The following ZNF654 variants were observed in gnomAD, a reference collection of about 807,000 sequenced individuals.
ZNF654 encodes the protein zinc finger protein 654, also known as melanoma-associated antigen.
ZNF654 carries 19 observed loss-of-function variants against 95.3 expected under a neutral mutation model. The ratio of observed to expected loss-of-function variants is 0.20; its 90% CI spans 0.14 to 0.29. The LOEUF (loss-of-function observed/expected upper bound fraction) is 0.29, where lower values mean the gene tolerates loss of function less well. Among genes scored for constraint, ZNF654 ranks in the 10% least tolerant of loss-of-function variants. The pLI, the probability that ZNF654 is intolerant of heterozygous loss-of-function variation, is 1.00. For synonymous variants in ZNF654, 413 were observed against 457.9 expected (o/e 0.90, Z 1.25); for missense variants, 1,046 against 1,341.0 (o/e 0.78, Z 3.44).
chr3:88,084,030 G>A (rs1708220035), intron 1 of ZNF654, among the ~76,000 whole-genome samples: 1 of 151,596 alleles, frequency 6.6e-6, no homozygotes, highest in Non-Finnish European at 1.5e-5. Context: ...TGCCTGACAC[G>A]ACATTAAACA....
At chr3:88,125,918 T>A (rs778151844) in intron 3 of ZNF654, among the ~76,000 whole-genome samples, 6 of 152,188 alleles carry the variant, frequency 3.9e-5, no homozygotes, top group Non-Finnish European at 8.8e-5. Context: ...ATTTTCTAAG[T>A]CCAGTTATAC....
intron 1 of ZNF654, among the ~76,000 whole-genome samples, chr3:88,064,707 T>C (rs1301729034): frequency 6.6e-6 from 1 of 152,214 alleles, no homozygotes; most frequent in South Asian, 2.1e-4. Flanking sequence ...TCTGTAGATA[T>C]CTCTCCTTTT....
intron 3 of ZNF654, among the ~76,000 whole-genome samples, chr3:88,125,749 GCT>G (rs1330912171): frequency 1.3e-5 from 2 of 152,204 alleles, no homozygotes; most frequent in East Asian, 3.9e-4. Context: ...GCCCTACCAC[GCT>G]CTCTTTTTCT....
At chr3:88,123,650 G>A (rs1705914944) in intron 3 of ZNF654, among the ~76,000 whole-genome samples, 1 of 152,086 alleles carries the variant, frequency 6.6e-6, no homozygotes, top group Non-Finnish European at 1.5e-5. Flanking sequence ...TCAGGAAGTT[G>A]GAAATACATC....
In ZNF654 at chr3:88,140,450, T is replaced by C. The variant is rs1177555676; in HGVS notation, c.2781T>C (p.Cys927=). ...SRKESTEPKT[C]IESMEKKTDS... ...AAGAGTCTACAGAACCAAAGACATG[T>C]ATAGAAAGTATGGAAAAGAAAACAG... The change falls in exon 8 of 9, where the codon TGT becomes TGC. Residue 927 remains cysteine (C), a synonymous_variant. Transcript: ENST00000636215. The C allele has an allele frequency of 1.2e-5, 20 of 1,613,526 alleles. No homozygotes were observed. In the Admixed American group the frequency reaches 3.3e-4, roughly 27 times the overall value.
In ZNF654 at chr3:88,135,124, A is replaced by G; in HGVS notation, c.957A>G (p.Val319=). The G allele has an allele frequency of 1.3e-6, 2 of 1,484,330 alleles. No homozygotes were observed. The highest frequency in any genetic ancestry group is 1.8e-6 in the Non-Finnish European group (2 of 1,124,226). 91.9% of individuals were successfully genotyped at this position (1,484,330 alleles called of 1,614,324 possible). The change falls in exon 7 of 9, where the codon GTA becomes GTG. Residue 319 remains valine (V), a synonymous_variant. Coordinates refer to ENST00000636215, the MANE Select transcript of ZNF654 (RefSeq NM_001350134.2). ...LKSNPSKQVF[V]DQCYQLLRTA... ...CTAATCCTTCAAAACAAGTTTTTGT[A>G]GATCAATGCTACCAGCTTTTAAGAA...
chr3:88,139,335 G>C lies in ZNF654; in HGVS notation c.1666G>C (p.Gly556Arg). 1 of 1,606,548 alleles carries C rather than the reference G, an allele frequency of 6.2e-7. No homozygotes were observed. The highest frequency in any genetic ancestry group is 8.5e-7 in the Non-Finnish European group (1 of 1,177,462). The change falls in exon 8 of 9, where the codon GGT becomes CGT. Residue 556 changes from glycine to arginine, a missense_variant. Gly to Arg is a moderately radical substitution (Grantham distance 125). Around this residue, in one of 9 missense-constraint regions of ZNF654, gnomAD observed 100 missense variants for 108.9 expected, o/e 0.92. Transcript: ENST00000636215. ...TATGTTATGTAACAAGGAATTTTTA[G>C]GTGGTCACATTGTAAGGCATGCCCA... is the stretch of plus-strand genomic sequence containing the variant. ...RCMLCNKEFL[G>R]GHIVRHAQAH... is the part of the protein sequence containing the mutation.
At chr3:88,082,927 C>T (rs1490588225) in intron 1 of ZNF654, among the ~76,000 whole-genome samples, 1 of 152,110 alleles carries the variant, frequency 6.6e-6, no homozygotes, top group East Asian at 1.9e-4. Context: ...CTTTTCATGG[C>T]TTGCAGATGA....
At chr3:88,096,889 A>G (rs757802627) in intron 2 of ZNF654, among the ~76,000 whole-genome samples, 7 of 152,152 alleles carry the variant, frequency 4.6e-5, no homozygotes, top group African/African-American at 1.4e-4. Context: ...TAATGCATAT[A>G]TAAGAAAAAA....
At chr3:88,100,022 TC>T (rs1704313749) in intron 2 of ZNF654, among the ~76,000 whole-genome samples, 1 of 152,122 alleles carries the variant, frequency 6.6e-6, no homozygotes, top group East Asian at 1.9e-4. Context: ...GAAACTACCA[TC>T]ACAGTGAACA....
At chr3:88,111,556 A>G (rs1705090515) in intron 2 of ZNF654, among the ~76,000 whole-genome samples, 1 of 151,932 alleles carries the variant, frequency 6.6e-6, no homozygotes, top group South Asian at 2.1e-4. Flanking sequence ...TTTGTATTAT[A>G]TTTCATTGTA....
rs1186368412 is a variant in ZNF654, at chr3:88,144,222, A to G, written c.*2570A>G. The G allele has an allele frequency of 1.3e-5, 2 of 152,324 alleles. No homozygotes were observed. The highest frequency in any genetic ancestry group is 1.3e-4 in the Admixed American group (2 of 15,242). 9.4% of individuals were successfully genotyped at this position (152,324 alleles called of 1,614,324 possible). ...GACACTGGTACTTTGGGCTTTAGCC[A>G]TATTCATTTTTTTGAAACCACCAAT... On this transcript the variant is annotated 3_prime_UTR_variant, in exon 9 of 9. Coordinates refer to ENST00000636215, the MANE Select transcript of ZNF654 (RefSeq NM_001350134.2).
At chr3:88,111,769 AT>A (rs1705102554) in intron 2 of ZNF654, among the ~76,000 whole-genome samples, 2 of 151,996 alleles carry the variant, frequency 1.3e-5, no homozygotes, top group African/African-American at 4.8e-5. Context: ...GTATAGGAAC[AT>A]TTACATTCCC....
chr3:88,109,663 C>A (rs539171425), intron 2 of ZNF654, among the ~76,000 whole-genome samples: 1 of 152,176 alleles, frequency 6.6e-6, no homozygotes, highest in South Asian at 2.1e-4. Flanking sequence ...TTTAAATCTG[C>A]GTTATTCAAG....
chr3:88,142,560 G>A lies in ZNF654; in HGVS notation c.*908G>A, dbSNP rs1707183497. 1 of 151,128 alleles carries A rather than the reference G, an allele frequency of 6.6e-6. No homozygotes were observed. Among genetic ancestry groups the A allele is most frequent in the Admixed American group, 6.6e-5 (1 of 15,216 alleles). The allele number at this position is 151,128 out of a possible 1,614,324, so 9.4% of individuals were successfully genotyped here. A position where few individuals can be genotyped will look rare whatever the true frequency, so the allele number is the denominator to read the frequency against. On this transcript the variant is annotated 3_prime_UTR_variant, in exon 9 of 9. Transcript: ENST00000636215. ...CTGTTTGTGTATATGTTGGGACATT[G>A]CTTGATGATTCATAGTAAGGTCCTT...
chr3:88,098,225 A>G (rs1164247900), intron 2 of ZNF654, among the ~76,000 whole-genome samples: 1 of 152,228 alleles, frequency 6.6e-6, no homozygotes, highest in Non-Finnish European at 1.5e-5. Context: ...AAACTAGAAA[A>G]TCTAGAAGAA....
chr3:88,095,735 C>G, intron 2 of ZNF654: 1 of 391,030 alleles, frequency 2.6e-6, no homozygotes, highest in South Asian at 2.0e-5. Context: ...TCTCCCCAGG[C>G]TTGTTATTTT....
intron 1 of ZNF654, among the ~76,000 whole-genome samples, chr3:88,060,137 C>G (rs985283695): frequency 5.9e-5 from 9 of 152,038 alleles, no homozygotes; most frequent in Admixed American, 5.9e-4. Context: ...TAACCTCCTT[C>G]GGTTGACACA....
At chr3:88,075,565 A>T (rs914643498) in intron 1 of ZNF654, among the ~76,000 whole-genome samples, 1 of 152,070 alleles carries the variant, frequency 6.6e-6, no homozygotes, top group Non-Finnish European at 1.5e-5. Context: ...GCTCTTTTAG[A>T]CCTTTTCTTT....
Sources: allele counts gnomAD v4.1 joint callset (sites outside exome capture counted in the v4.1 genomes callset), GRCh38; gene constraint gnomAD v4.1.1; regional missense constraint gnomAD v4.1.1; transcripts MANE v1.5; gene names NCBI Gene and HGNC (gene_info 2026-07-23, HGNC 2026-07-21).